The following HSPA12A variants were observed in gnomAD, a reference collection of about 807,000 sequenced individuals.
HSPA12A encodes heat shock 70 kDa protein 12A.
A neutral mutation model predicts 69.2 loss-of-function variants in HSPA12A; 28 were observed. That is an observed-to-expected ratio of 0.40 (90% CI 0.30 to 0.55). The LOEUF (loss-of-function observed/expected upper bound fraction) is 0.55, where lower values mean the gene tolerates loss of function less well. Among genes scored for constraint, HSPA12A ranks in the 20% least tolerant of loss-of-function variants. HSPA12A has a pLI of 0.38. For synonymous variants in HSPA12A, 345 were observed against 370.5 expected, an observed-to-expected ratio of 0.93 and a Z score of 0.79; for missense variants, 686 against 900.7, an observed-to-expected ratio of 0.76 and a Z score of 3.05.
At chr10:116,827,410 C>T (rs149093534) in intron 2 of HSPA12A, 3 of 152,502 alleles carry the variant, frequency 2.0e-5, no homozygotes, top group East Asian at 1.9e-4. Context: ...ACTGCCTCCA[C>T]ACCTACTACA....
At chr10:116,693,958 A>G (rs1234551086) in intron 5 of HSPA12A, among the ~76,000 whole-genome samples, 1 of 152,196 alleles carries the variant, frequency 6.6e-6, no homozygotes, top group Non-Finnish European at 1.5e-5. Flanking sequence ...GTTTCCTTGC[A>G]GGTCTGCATT....
At chr10:116,802,604 C>T (rs1687682386) in intron 2 of HSPA12A, among the ~76,000 whole-genome samples, 2 of 152,026 alleles carry the variant, frequency 1.3e-5, no homozygotes, top group African/African-American at 4.8e-5. Flanking sequence ...ACAACAGGAA[C>T]AAAAAAAGAC....
At chr10:116,799,149 G>C (rs1191599043) in intron 2 of HSPA12A, among the ~76,000 whole-genome samples, 1 of 152,162 alleles carries the variant, frequency 6.6e-6, no homozygotes, top group Non-Finnish European at 1.5e-5. Flanking sequence ...GGATGTGACT[G>C]GCTTTGCCCT....
intron 5 of HSPA12A, chr10:116,698,371 G>C (rs1849977160): frequency 5.7e-6 from 2 of 349,850 alleles, no homozygotes; most frequent in South Asian, 2.4e-4. Context: ...TCTCCACCCA[G>C]GAGTGGAGCT....
At chr10:116,732,358 G>GGAAGAA (rs1554885929) in intron 1 of HSPA12A, among the ~76,000 whole-genome samples, 1 of 87,834 alleles carries the variant, frequency 1.1e-5, no homozygotes, top group East Asian at 3.7e-4. Context: ...GAAAGAGACA[G>GGAAGAA]AGGGAAAGAA....
In HSPA12A at chr10:116,701,102, C is replaced by A; in HGVS notation, c.282G>T (p.Val94=). 6.2e-7 allele frequency: 1 copy of A among 1,614,144 alleles called. No homozygotes were observed. Among genetic ancestry groups the A allele is most frequent in the East Asian group, 2.2e-5 (1 of 44,866 alleles). The change falls in exon 4 of 12, where the codon GTG becomes GTT. Residue 94 remains valine (V), a synonymous_variant. Coordinates refer to ENST00000369209, the MANE Select transcript of HSPA12A (RefSeq NM_025015.3). ...MRRWEGGDPG[V]SNQKTPTTIL... ...TGGTGGTTGGAGTCTTCTGATTGGACACACCAGGGTCACCTCCCTCCCATC... is the reference window on the plus strand; with the variant it reads ...TGGTGGTTGGAGTCTTCTGATTGGAAACACCAGGGTCACCTCCCTCCCATC...
At chr10:116,763,545 C>A (rs1844016437) in intron 2 of HSPA12A, among the ~76,000 whole-genome samples, 1 of 152,290 alleles carries the variant, frequency 6.6e-6, no homozygotes, top group Admixed American at 6.5e-5. Context: ...AGGGCAGGTC[C>A]CCAGCTTCCC....
intron 3 of HSPA12A, among the ~76,000 whole-genome samples, chr10:116,704,224 C>A (rs1395838789): frequency 6.6e-6 from 1 of 152,120 alleles, no homozygotes; most frequent in Non-Finnish European, 1.5e-5. Context: ...TGTCCAACAA[C>A]GGTAGACTAG....
At chr10:116,829,916 G>T (rs1416384865) in intron 2 of HSPA12A, 1 of 150,942 alleles carries the variant, frequency 6.6e-6, no homozygotes. Context: ...TCAGTGTTGG[G>T]TCGTTAGTCA....
intron 2 of HSPA12A, among the ~76,000 whole-genome samples, chr10:116,755,977 ACT>A (rs369188158): frequency 5.7e-4 from 86 of 152,182 alleles, no homozygotes; most frequent in African/African-American, 2.0e-3. Flanking sequence ...ACAGAGCAAG[ACT>A]CTGTCTCAAA....
At chr10:116,705,006 C>A in intron 3 of HSPA12A, 145 bp downstream of exon 3, 1 of 908,894 alleles carries the variant, frequency 1.1e-6, no homozygotes, top group Non-Finnish European at 1.7e-6. Context: ...AATGGCTTGT[C>A]CCCAGTGGCA....
chr10:116,731,362 T>G (rs1479365640), intron 1 of HSPA12A, among the ~76,000 whole-genome samples: 2 of 152,170 alleles, frequency 1.3e-5, no homozygotes, highest in African/African-American at 4.8e-5. Context: ...GTGACTCAGA[T>G]GAATGATGCA....
At chr10:116,729,852 G>A (rs574103625) in intron 1 of HSPA12A, among the ~76,000 whole-genome samples, 4 of 152,110 alleles carry the variant, frequency 2.6e-5, no homozygotes, top group Non-Finnish European at 5.9e-5. Flanking sequence ...AAACTTTAAC[G>A]AAATCTCCCA....
At chr10:116,783,943 A>T (rs1466127921) in intron 2 of HSPA12A, among the ~76,000 whole-genome samples, 1 of 152,198 alleles carries the variant, frequency 6.6e-6, no homozygotes, top group Non-Finnish European at 1.5e-5. Flanking sequence ...ACCTCCAGTG[A>T]TCCACCCACC....
At chr10:116,681,910 T>C in intron 7 of HSPA12A, 33 bp from the exon 8 acceptor site, 3 of 1,591,718 alleles carry the variant, frequency 1.9e-6, no homozygotes, top group Non-Finnish European at 2.6e-6. Context: ...TGATGACGGG[T>C]AAGAAAGCAT....
chr10:116,711,626 C>T (rs1429641323), intron 1 of HSPA12A, among the ~76,000 whole-genome samples: 1 of 151,480 alleles, frequency 6.6e-6, no homozygotes, highest in Non-Finnish European at 1.5e-5. Context: ...AATGTTTTCA[C>T]ATCAAGGAAT....
At chr10:116,818,964 C>T (rs922757361) in intron 2 of HSPA12A, among the ~76,000 whole-genome samples, 2 of 152,130 alleles carry the variant, frequency 1.3e-5, no homozygotes, top group Admixed American at 6.5e-5. Flanking sequence ...TAACCCTTTG[C>T]AGCCCCTGTC....
intron 3 of HSPA12A, among the ~76,000 whole-genome samples, chr10:116,703,934 C>A (rs1180210605): frequency 1.3e-5 from 2 of 152,228 alleles, no homozygotes; most frequent in Non-Finnish European, 2.9e-5. Context: ...GCTACCAACA[C>A]CCCAGCACTT....
intron 2 of HSPA12A, among the ~76,000 whole-genome samples, chr10:116,763,275 T>C (rs1235857522): frequency 6.6e-6 from 1 of 152,198 alleles, no homozygotes; most frequent in Admixed American, 6.5e-5. Flanking sequence ...TCTATCTCAA[T>C]GTACATATGG....
Sources: allele counts gnomAD v4.1 joint callset (sites outside exome capture counted in the v4.1 genomes callset), GRCh38; gene constraint gnomAD v4.1.1; transcripts MANE v1.5; gene names NCBI Gene and HGNC (gene_info 2026-07-23, HGNC 2026-07-21).